The following IL1R1 variants were observed in gnomAD, a reference collection of about 807,000 sequenced individuals.
The protein encoded by IL1R1 is interleukin 1 receptor type 1.
A neutral mutation model predicts 50.2 loss-of-function variants in IL1R1; 22 were observed. The ratio of observed to expected loss-of-function variants is 0.44; its 90% CI spans 0.31 to 0.63. IL1R1 has a LOEUF of 0.63. Ranked by LOEUF, IL1R1 falls within the 20% of genes least tolerant of loss-of-function variation. IL1R1 has a pLI of 0.07. For synonymous variants in IL1R1, 251 were observed against 236.7 expected (o/e 1.06, Z -0.55); for missense variants, 509 against 676.2 (o/e 0.75, Z 2.74).
At chr2:102,137,037 A>G (rs1360981537) in intron 1 of IL1R1, among the ~76,000 whole-genome samples, 3 of 152,190 alleles carry the variant, frequency 2.0e-5, no homozygotes, top group Admixed American at 6.5e-5. Flanking sequence ...TATATTCAAA[A>G]CTAAACCTAT....
At chr2:102,090,783 G>T (rs1679633707) in intron 1 of IL1R1, among the ~76,000 whole-genome samples, 1 of 151,758 alleles carries the variant, frequency 6.6e-6, no homozygotes, top group Non-Finnish European at 1.5e-5. Context: ...ATAATTTCTT[G>T]ATTACATGTG....
chr2:102,096,521 T>C (rs1049159811), intron 1 of IL1R1, among the ~76,000 whole-genome samples: 2 of 152,196 alleles, frequency 1.3e-5, no homozygotes, highest in Non-Finnish European at 2.9e-5. Context: ...TTCTATTCTG[T>C]AAAATGCCTG....
At chr2:102,109,439 G>C (rs1249498760) in intron 1 of IL1R1, among the ~76,000 whole-genome samples, 1 of 150,840 alleles carries the variant, frequency 6.6e-6, no homozygotes, top group African/African-American at 2.5e-5. Flanking sequence ...CTGCAGGCTA[G>C]TGAGGAGAGA....
chr2:102,141,116 G>A (rs1431329490), upstream of IL1R1, among the ~76,000 whole-genome samples: 1 of 152,204 alleles, frequency 6.6e-6, no homozygotes, highest in South Asian at 2.1e-4. Context: ...ACAGCATGGA[G>A]CCAGGCCCAC....
chr2:102,118,212 G>A (rs1367355243), intron 1 of IL1R1, among the ~76,000 whole-genome samples: 1 of 152,122 alleles, frequency 6.6e-6, no homozygotes, highest in African/African-American at 2.4e-5. Flanking sequence ...GATCAGTGAT[G>A]TTCAAGTAAC....
chr2:102,101,113 G>A (rs767308475), upstream of IL1R1, among the ~76,000 whole-genome samples: 1 of 152,212 alleles, frequency 6.6e-6, no homozygotes, highest in Non-Finnish European at 1.5e-5. Flanking sequence ...CACCCAGAAA[G>A]CTTAGTCAAA....
intron 1 of IL1R1, among the ~76,000 whole-genome samples, chr2:102,150,550 A>G (rs1016032413): frequency 6.6e-6 from 1 of 152,226 alleles, no homozygotes; most frequent in African/African-American, 2.4e-5. Flanking sequence ...GTGCTGCTGT[A>G]GTCACGTTGT....
At chr2:102,100,127 C>A (rs1226991069), upstream of IL1R1, among the ~76,000 whole-genome samples, 1 of 152,218 alleles carries the variant, frequency 6.6e-6, no homozygotes, top group Non-Finnish European at 1.5e-5. Flanking sequence ...ATCTGCACAT[C>A]GTCGGGTTCT....
intron 1 of IL1R1, among the ~76,000 whole-genome samples, chr2:102,126,590 G>T (rs984103872): frequency 1.4e-5 from 2 of 140,880 alleles, no homozygotes; most frequent in Admixed American, 7.1e-5. Context: ...TGTTTGAAAG[G>T]TTTTTTTTTT....
chr2:102,147,554 C>A (rs972570240), intron 1 of IL1R1, among the ~76,000 whole-genome samples: 1 of 152,156 alleles, frequency 6.6e-6, no homozygotes, highest in African/African-American at 2.4e-5. Context: ...GGACAAAGGA[C>A]AAGAGATGAG....
rs140223859 is a variant in IL1R1, at chr2:102,118,824, C to T, written c.-84+13952C>T. Among the ~76,000 whole-genome samples, 1,342 of 151,902 alleles carry T rather than the reference C, an allele frequency of 8.8e-3. 28 individuals are homozygous for T. Among genetic ancestry groups the T allele is most frequent in the East Asian group, 0.065 (334 of 5,160 alleles). ...TGAGGTCAGGAGATCAAGACCATCCCGGCTAACATGGTGAAACCCTGTCTC... is the reference window on the plus strand; with the variant it reads ...TGAGGTCAGGAGATCAAGACCATCCTGGCTAACATGGTGAAACCCTGTCTC... On this transcript the variant is annotated intron_variant, in intron 1 of 10. Transcript: ENST00000409329.
Position 102,165,281 on chromosome 2 carries a change from T to A in IL1R1, c.463T>A (p.Leu155Ile). Residue 155 changes from leucine (L) to isoleucine (I), a missense_variant, in exon 5 of 12, where the codon TTA becomes ATA. By Grantham distance (5) the Leu-to-Ile change is conservative (BLOSUM62 2). Transcript: ENST00000410023. ...MEFFKNENNE[L>I]PKLQWYKDCK... ...GTTTTTTAAAAATGAAAATAATGAG[T>A]TACCTAAATTACAGTGGTATAAGGT... The A allele has an allele frequency of 6.4e-7, 1 of 1,565,792 alleles. No homozygotes were observed. Among genetic ancestry groups the A allele is most frequent in the South Asian group, 1.2e-5 (1 of 83,422 alleles).
chr2:102,085,613 T>G (rs1272250877), intron 1 of IL1R1, among the ~76,000 whole-genome samples: 1 of 152,006 alleles, frequency 6.6e-6, no homozygotes, highest in East Asian at 1.9e-4. Flanking sequence ...CTGTCCTAAT[T>G]ACTATAGCCC....
chr2:102,132,756 T>C (rs1682107639), intron 1 of IL1R1, among the ~76,000 whole-genome samples: 1 of 152,140 alleles, frequency 6.6e-6, no homozygotes, highest in Admixed American at 6.6e-5. Context: ...TGGTAGGAAC[T>C]AGGTAATATC....
chr2:102,126,767 A>G (rs1017032801), intron 1 of IL1R1, among the ~76,000 whole-genome samples: 1 of 152,168 alleles, frequency 6.6e-6, no homozygotes, highest in Non-Finnish European at 1.5e-5. Flanking sequence ...GTCTGTAGAG[A>G]TTCTGCTCAG....
intron 3 of IL1R1, among the ~76,000 whole-genome samples, chr2:102,158,270 C>T (rs567346517): frequency 8.3e-4 from 126 of 152,214 alleles, no homozygotes; most frequent in South Asian, 3.1e-3. Flanking sequence ...GGGGATACAG[C>T]AGGGAACAGT....
chr2:102,094,423 T>A (rs200083801), intron 1 of IL1R1, among the ~76,000 whole-genome samples: 1 of 152,228 alleles, frequency 6.6e-6, no homozygotes, highest in Non-Finnish European at 1.5e-5. Flanking sequence ...ATCATCTTTG[T>A]CAAAGTTTTA....
At chr2:102,079,004 T>C (rs1363634154) in intron 1 of IL1R1, among the ~76,000 whole-genome samples, 2 of 152,190 alleles carry the variant, frequency 1.3e-5, no homozygotes, top group South Asian at 2.1e-4. Flanking sequence ...ATCATCTCAA[T>C]AGATGCAGAC....
chr2:102,129,256 T>TACA (rs71866133), intron 1 of IL1R1, among the ~76,000 whole-genome samples: 45,945 of 149,312 alleles, frequency 0.31, 7,164 homozygotes, highest in African/African-American at 0.38. Flanking sequence ...CCCAAAAACC[T>TACA]ACAACAACAA....
Sources: gnomAD v4.1 joint callset for allele counts (sites outside exome capture counted in the v4.1 genomes callset) on GRCh38, gnomAD v4.1.1 for gene constraint, MANE v1.5 for transcripts, NCBI Gene and HGNC (gene_info 2026-07-23, HGNC 2026-07-21) for gene names.